The following FASN variants were observed in gnomAD, a reference collection of about 807,000 sequenced individuals.
FASN encodes the protein 3-hydroxyacyl-[acyl-carrier-protein] dehydratase.
Under a neutral mutation model 250.0 loss-of-function variants are expected in FASN, and 50 were observed. The ratio of observed to expected loss-of-function variants is 0.20; its 90% CI spans 0.16 to 0.25. The LOEUF is 0.25. Ranked by LOEUF, FASN falls within the 10% of genes least tolerant of loss-of-function variation. FASN has a pLI of 1.00. For synonymous variants in FASN, 1,909 were observed against 1,584.0 expected (o/e 1.21, Z -4.87); for missense variants, 3,031 against 3,498.5 (o/e 0.87, Z 3.37).
chr17:82,081,309 C>T lies in FASN; in HGVS notation c.6450G>A (p.Ala2150=), dbSNP rs762448077. ...TCATGAGCGAGTCCAGGCCCAGGTC[C>T]GCCAGTGAGCTGTCCAGGTTGACAG... ...LAAVNLDSSL[A]DLGLDSLMSV... The change falls in exon 38 of 43, where the codon GCG becomes GCA. Residue 2150 remains alanine, a synonymous_variant. Transcript: ENST00000306749. 70 of 1,556,588 alleles carry T rather than the reference C, an allele frequency of 4.5e-5. No individual in the cohort carries two copies. The highest frequency in any genetic ancestry group is 2.6e-4 in the South Asian group (22 of 84,898).
At position 82,085,774 on chromosome 17, in the gene FASN, G is replaced by A. The variant is rs763270424; in HGVS notation, c.3830C>T (p.Pro1277Leu). 16 of 1,564,366 alleles carry A rather than the reference G, an allele frequency of 1.0e-5. No homozygotes were observed. In the South Asian group the frequency reaches 1.8e-4, roughly 17 times the overall value. The change falls in exon 23 of 43, where the codon CCC becomes CTC. Residue 1277 changes from proline to leucine, a missense_variant. By Grantham distance (98) the Pro-to-Leu change is moderately conservative. Coordinates refer to ENST00000306749, the MANE Select transcript of FASN (RefSeq NM_004104.5). ...GGCCTGGGCAGCCTCCAGGGCCTGGGGGTGGCGGTCGGTGGCCGTGTAGCT... is the reference window on the plus strand; with the variant it reads ...GGCCTGGGCAGCCTCCAGGGCCTGGAGGTGGCGGTCGGTGGCCGTGTAGCT... ...QLSYTATDRH[P>L]QALEAAQAEL...
intron 1 of FASN, among the ~76,000 whole-genome samples, 196 bp downstream of exon 1, chr17:82,097,925 T>A (rs892619083): frequency 8.6e-5 from 13 of 151,866 alleles, no homozygotes; most frequent in African/African-American, 3.1e-4. Context: ...TCCGCCCACC[T>A]ACTCCGCGGG....
intron 21 of FASN, 142 bp from the exon 22 acceptor site, chr17:82,086,700 G>A (rs1294726250): frequency 1.4e-6 from 1 of 738,856 alleles, no homozygotes; most frequent in Non-Finnish European, 2.3e-6. Flanking sequence ...GTTGAGGAAG[G>A]GGCTGCCCAC....
rs767663007 is a variant in FASN, at chr17:82,087,057, C to G, written c.3420G>C (p.Leu1140=). 1.2e-6 allele frequency: 2 copies of G among 1,611,058 alleles called. No individual in the cohort carries two copies. The highest frequency in any genetic ancestry group is 1.7e-6 in the Non-Finnish European group (2 of 1,179,928). Residue 1140 remains leucine (L), a synonymous_variant, in exon 21 of 43, where the codon CTG becomes CTC. Transcript: ENST00000306749. ...GCAGGGCTGGGACCTCACCCTTGCA[C>G]AGTTGCAGCTCCTCCTGCAGGGCAG... ...ERAALQEELQ[L]CKGLVQALQT... is the part of the protein sequence containing the mutation.
intron 14 of FASN, 41 bp from the exon 15 acceptor site, chr17:82,088,917 T>G: frequency 6.2e-7 from 1 of 1,609,920 alleles, no homozygotes. Flanking sequence ...GGTGCTCAGC[T>G]GAGGCGCCCA....
chr17:82,095,556 G>A, intron 2 of FASN, 84 bp from the exon 3 acceptor site: 1 of 1,531,132 alleles, frequency 6.5e-7, no homozygotes, highest in South Asian at 1.1e-5. Flanking sequence ...CCCCTGGAGG[G>A]GCCATGGTGG....
rs763345592 is a variant in FASN at position 82,080,932 on chromosome 17, CAG to C, written c.6596-12_6596-11del. 16 of 1,598,272 alleles carry C rather than the reference CAG, an allele frequency of 1.0e-5. No homozygotes were observed. In the African/African-American group the frequency reaches 1.9e-4, roughly 19 times the overall value. ...GTGGGGCATGCCAGCTCTGTGAAGA[CAG>C]GGGCAGATGCCAGGCTGGTCTGGGT... On this transcript the variant is annotated splice_polypyrimidine_tract_variant and intron_variant, in intron 38 of 42. Coordinates refer to ENST00000306749, the MANE Select transcript of FASN (RefSeq NM_004104.5).
chr17:82,087,092 A>C lies in FASN; in HGVS notation c.3385T>G (p.Ser1129Ala). The change falls in exon 21 of 43, where the codon TCT (serine) becomes GCT (alanine). Residue 1129 changes from serine (S) to alanine (A), a missense_variant. By Grantham distance (99) the Ser-to-Ala change is moderately conservative. Coordinates refer to ENST00000306749, the MANE Select transcript of FASN (RefSeq NM_004104.5). Reference sequence around the variant, plus strand: ...TCCTCCTGCAGGGCAGCGCGCTCAGACAGGCACCCCTCCTCCGTGTGGGGA... The same window carrying C: ...TCCTCCTGCAGGGCAGCGCGCTCAGCCAGGCACCCCTCCTCCGTGTGGGGA... ...FTPHTEEGCL[S>A]ERAALQEELQ... 1 of 1,611,828 alleles carries C rather than the reference A, an allele frequency of 6.2e-7. No homozygotes were observed. The highest frequency in any genetic ancestry group is 1.7e-5 in the Admixed American group (1 of 60,008).
At chr17:82,093,507 T>C in intron 4 of FASN, 88 bp from the exon 5 acceptor site, 1 of 1,594,904 alleles carries the variant, frequency 6.3e-7, no homozygotes, top group Non-Finnish European at 8.6e-7. Context: ...GGACACACAC[T>C]GCACGGAGTG....
At chr17:82,095,605 A>C in intron 2 of FASN, 133 bp from the exon 3 acceptor site, 14 of 1,090,832 alleles carry the variant, frequency 1.3e-5, no homozygotes, top group East Asian at 5.0e-5. Context: ...GGCCCAAACA[A>C]TGGAGCAGGC....
Position 82,098,124 on chromosome 17 carries a change from G to C in FASN, c.-11C>G, listed in dbSNP as rs1446628395. 2.0e-5 allele frequency: 7 copies of C among 344,534 alleles called. No individual in the cohort carries two copies. Among genetic ancestry groups the C allele is most frequent in the Admixed American group, 4.8e-5 (1 of 20,834 alleles). The allele number at this position is 344,534 out of a possible 1,614,324, so 21.3% of individuals were successfully genotyped here. A position where few individuals can be genotyped will look rare whatever the true frequency, so the allele number is the denominator to read the frequency against. ...CCCCAGCGCCGGCTGCTCGTACCTG[G>C]TGAGGGCGCGGGCGGCGGTGCGGGC... On this transcript the variant is annotated 5_prime_UTR_variant, in exon 1 of 43. Coordinates refer to ENST00000306749, the MANE Select transcript of FASN (RefSeq NM_004104.5).
At position 82,084,261 on chromosome 17, in the gene FASN, T is replaced by G. The variant is rs1449198557; in HGVS notation, c.4892A>C (p.Asp1631Ala). 1.5e-5 allele frequency: 24 copies of G among 1,612,008 alleles called. No individual in the cohort carries two copies. The highest frequency in any genetic ancestry group is 2.2e-5 in the East Asian group (1 of 44,852). Residue 1631 changes from aspartate (D) to alanine (A), a missense_variant, in exon 28 of 43, where the codon GAC becomes GCC. Transcript: ENST00000306749. The part of the protein sequence containing the change: ...GLATSVLLSP[D>A]FLWDVPSNWT... ...GTTGGAAGGCACATCCCAGAGGAAG[T>G]CCGGTGACAGCAGGACAGAGGTGGC...
chr17:82,090,021 C>T lies in FASN; in HGVS notation c.1871-295G>A, dbSNP rs544380206. Among the ~76,000 whole-genome samples, 3 of 152,344 alleles carry T rather than the reference C, an allele frequency of 2.0e-5. No homozygotes were observed. The East Asian group carries it at 5.8e-4, about 29-fold the overall frequency. On this transcript the variant is annotated intron_variant, in intron 11 of 42. Transcript: ENST00000306749. The stretch of plus-strand genomic sequence containing the variant: ...TCCTGCCCACATGTGGCCCATGGGG[C>T]TCAGAGATGGGTGCCAACAGAGGGC...
chr17:82,092,694 C>A lies in FASN; in HGVS notation c.894+3G>T. 1.9e-6 allele frequency: 3 copies of A among 1,579,320 alleles called. No homozygotes were observed. Among genetic ancestry groups the A allele is most frequent in the African/African-American group, 1.3e-5 (1 of 74,316 alleles). On this transcript the variant is annotated splice_donor_region_variant and intron_variant, in intron 7 of 42. Transcript: ENST00000306749. ...TGAGTGGGGCGGGGGGGGGGGGCAT[C>A]ACCTTGGTGCCTGTGCCGTGGGCTT...
At position 82,084,517 on chromosome 17, in the gene FASN, G is replaced by C; in HGVS notation, c.4764C>G (p.Ile1588Met). The change falls in exon 27 of 43, where the codon ATC (isoleucine) becomes ATG (methionine). Residue 1588 changes from isoleucine to methionine, a missense_variant. Transcript: ENST00000306749. ...ACGGCCCCATGCCACCCATACCTGG[G>C]ATGGCATCAGGGGACAGCTTGCCAG... The part of the protein sequence containing the change: ...LATGKLSPDA[I>M]PGKWTSQDSL... The C allele has an allele frequency of 6.2e-7, 1 of 1,608,844 alleles. No homozygotes were observed. The highest frequency in any genetic ancestry group is 8.5e-7 in the Non-Finnish European group (1 of 1,178,374).
In FASN at chr17:82,080,439, G is replaced by T; in HGVS notation, c.6978C>A (p.Ser2326Arg). 1 of 1,596,726 alleles carries T rather than the reference G, an allele frequency of 6.3e-7. No homozygotes were observed. The highest frequency in any genetic ancestry group is 2.3e-5 in the East Asian group (1 of 44,168). The stretch of plus-strand genomic sequence containing the variant: ...AGAGGCTGTTGTGGGTGGGGGCTGG[G>T]CTCTGCTGGGCCTGCAGCTGGGAGC... ...EMCSQLQAQQ[S>R]PAPTHNSLFL... Residue 2326 changes from serine (S) to arginine (R), a missense_variant, in exon 40 of 43, where the codon AGC becomes AGA. Physicochemically the swap from Ser to Arg is moderately radical, Grantham distance 110 (BLOSUM62 -1). Transcript: ENST00000306749.
At chr17:82,096,004 C>G (rs929724433) in intron 2 of FASN, among the ~76,000 whole-genome samples, 18 of 152,250 alleles carry the variant, frequency 1.2e-4, no homozygotes, top group Admixed American at 6.5e-5. Context: ...TTGGCTCCTC[C>G]GTAACAAGCA....
intron 15 of FASN, 63 bp from the exon 16 acceptor site, chr17:82,088,625 C>A: frequency 1.3e-6 from 2 of 1,556,306 alleles, no homozygotes; most frequent in Non-Finnish European, 1.8e-6. Context: ...CTGGGTTCAG[C>A]CCACCCACTG....
chr17:82,091,746 G>GA (rs1369993361), intron 8 of FASN, 62 bp from the exon 9 acceptor site: 1 of 1,420,446 alleles, frequency 7.0e-7, no homozygotes, highest in African/African-American at 1.4e-5. Flanking sequence ...CTGAGCTGGG[G>GA]GCAGGCACCT....
Sources: gnomAD v4.1 joint callset for allele counts (sites outside exome capture counted in the v4.1 genomes callset) on GRCh38, gnomAD v4.1.1 for gene constraint, MANE v1.5 for transcripts, NCBI Gene and HGNC (gene_info 2026-07-23, HGNC 2026-07-21) for gene names.